Variants in NTM observed in about 807,000 individuals in gnomAD.
NTM encodes neurotrimin.
Under a neutral mutation model 42.1 loss-of-function variants are expected in NTM, and 13 were observed. That is an observed-to-expected ratio of 0.31 (90% CI 0.20 to 0.49). NTM has a LOEUF of 0.49. Among genes scored for constraint, NTM ranks in the 20% least tolerant of loss-of-function variants. The pLI, the probability that NTM is intolerant of heterozygous loss-of-function variation, is 0.99. For missense variants in NTM, 373 were observed against 452.8 expected, an observed-to-expected ratio of 0.82 and a Z score of 1.60; for synonymous variants, 187 against 179.2, an observed-to-expected ratio of 1.04 and a Z score of -0.35.
chr11:132,112,310 T>C (rs1360619044), intron 2 of NTM, among the ~76,000 whole-genome samples: 2 of 152,168 alleles, frequency 1.3e-5, no homozygotes, highest in African/African-American at 4.8e-5. Context: ...TCAGCCTAGT[T>C]CTCTTCTTGC....
chr11:132,256,569 TC>T (rs1330119757), intron 4 of NTM, among the ~76,000 whole-genome samples: 5 of 152,108 alleles, frequency 3.3e-5, no homozygotes, highest in African/African-American at 1.2e-4. Context: ...AGGTCCTTTT[TC>T]CACCATGACA....
At chr11:132,054,827 G>A (rs2079375322) in intron 2 of NTM, among the ~76,000 whole-genome samples, 1 of 152,196 alleles carries the variant, frequency 6.6e-6, no homozygotes, top group South Asian at 2.1e-4. Flanking sequence ...CTAGTTTATA[G>A]CAAATCTAGG....
rs2070628996 is a variant in NTM at position 132,005,770 on chromosome 11, T to A, written c.167+94122T>A. 2.0e-5 allele frequency among the ~76,000 whole-genome samples: 3 copies of A among 152,294 alleles called. No individual in the cohort carries two copies. In the South Asian group the frequency reaches 6.2e-4, roughly 32 times the overall value. On this transcript the variant is annotated intron_variant, in intron 2 of 8. Coordinates refer to ENST00000683400, the MANE Select transcript of NTM (RefSeq NM_001352005.2). ...GTCCTTATTCCTCCCATTTTCTGTT[T>A]CACCTGCATCTGCCCACAGCAGTTT... is the stretch of plus-strand genomic sequence containing the variant.
chr11:131,415,959 T>A (rs994403101), intron 1 of NTM, among the ~76,000 whole-genome samples: 1 of 152,242 alleles, frequency 6.6e-6, no homozygotes, highest in Non-Finnish European at 1.5e-5. Flanking sequence ...ACTTTGGGAC[T>A]AAGGTTGTCA....
intron 1 of NTM, among the ~76,000 whole-genome samples, chr11:131,781,926 A>G (rs1454118449): frequency 6.6e-6 from 1 of 152,226 alleles, no homozygotes; most frequent in South Asian, 2.1e-4. Context: ...GAGGTCTTCT[A>G]GACTTTATTG....
intron 1 of NTM, among the ~76,000 whole-genome samples, chr11:131,673,512 T>A (rs1456051651): frequency 6.6e-6 from 1 of 152,156 alleles, no homozygotes; most frequent in East Asian, 1.9e-4. Flanking sequence ...TATCTCTTCA[T>A]CATCTGGGTC....
chr11:131,388,562 G>A (rs1319507293), intron 1 of NTM, among the ~76,000 whole-genome samples: 4 of 152,038 alleles, frequency 2.6e-5, no homozygotes, highest in Admixed American at 1.3e-4. Flanking sequence ...TGTCTAAAAG[G>A]TAGAAGTGGG....
chr11:132,160,853 A>G (rs1415716040), intron 3 of NTM, among the ~76,000 whole-genome samples: 2 of 152,156 alleles, frequency 1.3e-5, no homozygotes, highest in Non-Finnish European at 1.5e-5. Context: ...AGAGAAGGAA[A>G]AAGCATCCCC....
intron 1 of NTM, among the ~76,000 whole-genome samples, chr11:131,819,744 C>T (rs1330611058): frequency 6.6e-6 from 1 of 152,186 alleles, no homozygotes. Context: ...GGAAACACGT[C>T]CGTGTTCGGG....
intron 1 of NTM, among the ~76,000 whole-genome samples, chr11:131,667,031 G>C (rs2069183895): frequency 6.6e-6 from 1 of 152,170 alleles, no homozygotes; most frequent in Non-Finnish European, 1.5e-5. Context: ...GCTTTGGCTG[G>C]CCCTTTGCTC....
intron 3 of NTM, among the ~76,000 whole-genome samples, chr11:132,156,035 G>A (rs764750218): frequency 1.8e-4 from 27 of 152,114 alleles, no homozygotes; most frequent in African/African-American, 2.2e-4. Flanking sequence ...GTAATGTGGC[G>A]TTTCAGCTCC....
chr11:131,441,956 G>A (rs1336632315), intron 1 of NTM, among the ~76,000 whole-genome samples: 2 of 152,060 alleles, frequency 1.3e-5, no homozygotes, highest in Middle Eastern at 3.2e-3. Flanking sequence ...CCCATAGATG[G>A]GTACATCAAC....
intron 1 of NTM, among the ~76,000 whole-genome samples, chr11:131,372,649 T>G (rs916064637): frequency 2.0e-5 from 3 of 152,174 alleles, no homozygotes; most frequent in Non-Finnish European, 2.9e-5. Context: ...CTCAGTCATT[T>G]CTATCTGTCC....
intron 1 of NTM, among the ~76,000 whole-genome samples, chr11:131,515,040 C>T (rs550739847): frequency 1.3e-5 from 2 of 152,212 alleles, no homozygotes; most frequent in Admixed American, 6.5e-5. Flanking sequence ...TCCTGAGTAG[C>T]TGGAACTACT....
chr11:132,051,690 G>C (rs1311615927), intron 2 of NTM, among the ~76,000 whole-genome samples: 1 of 152,156 alleles, frequency 6.6e-6, no homozygotes, highest in Non-Finnish European at 1.5e-5. Context: ...GGACCCCTTA[G>C]ACAGCAGTGT....
intron 2 of NTM, among the ~76,000 whole-genome samples, chr11:131,927,637 T>C (rs1158152273): frequency 1.3e-5 from 2 of 152,188 alleles, no homozygotes; most frequent in African/African-American, 2.4e-5. Context: ...TTCAAAATAC[T>C]ATTCACAACA....
chr11:132,278,664 A>AACACATTC (rs1256041030), intron 4 of NTM, among the ~76,000 whole-genome samples: 1 of 151,812 alleles, frequency 6.6e-6, no homozygotes, highest in Admixed American at 6.6e-5. Context: ...ATCTTTGGAA[A>AACACATTC]ACACATTCTG....
At chr11:131,424,585 TATTTC>T (rs1947864141) in intron 1 of NTM, among the ~76,000 whole-genome samples, 14 of 143,762 alleles carry the variant, frequency 9.7e-5, no homozygotes, top group Admixed American at 1.4e-4. Flanking sequence ...AGTTGTTTTT[TATTTC>T]TTTTCTTTTC....
intron 1 of NTM, among the ~76,000 whole-genome samples, chr11:131,832,935 A>G (rs1036308224): frequency 2.6e-5 from 4 of 152,238 alleles, no homozygotes; most frequent in African/African-American, 9.6e-5. Flanking sequence ...TGTTGTAATG[A>G]GATTTCTCCT....
Sources: allele counts gnomAD v4.1 joint callset (sites outside exome capture counted in the v4.1 genomes callset), GRCh38; gene constraint gnomAD v4.1.1; transcripts MANE v1.5; gene names NCBI Gene and HGNC (gene_info 2026-07-23, HGNC 2026-07-21).